DLG2: variants seen among roughly 807,000 people sequenced by gnomAD.
The protein encoded by DLG2 is disks large homolog 2.
DLG2 carries 45 observed loss-of-function variants against 132.5 expected under a neutral mutation model. The ratio of observed to expected loss-of-function variants is 0.34; its 90% CI spans 0.27 to 0.44. The LOEUF is 0.44. DLG2 is among the 20% of genes least tolerant of loss of function. The pLI is 1.00. For synonymous variants in DLG2, 424 were observed against 419.6 expected (o/e 1.01, Z -0.13); for missense variants, 1,045 against 1,196.9 (o/e 0.87, Z 1.87).
intron 6 of DLG2, among the ~76,000 whole-genome samples, chr11:84,976,415 C>T (rs1031211242): frequency 2.0e-5 from 3 of 152,028 alleles, no homozygotes. Flanking sequence ...TAACAGAGAA[C>T]CTATGTACTT....
chr11:85,189,362 A>G (rs755042119), intron 4 of DLG2, among the ~76,000 whole-genome samples: 3 of 152,236 alleles, frequency 2.0e-5, no homozygotes, highest in African/African-American at 7.2e-5. Flanking sequence ...TCAGTGGCCA[A>G]ATAGTTATAC....
chr11:84,027,774 T>C (rs1053315733), intron 11 of DLG2, among the ~76,000 whole-genome samples: 1 of 152,098 alleles, frequency 6.6e-6, no homozygotes, highest in Non-Finnish European at 1.5e-5. Flanking sequence ...TCAAGAATGA[T>C]GTTTAAAATT....
At position 83,881,424 on chromosome 11, in the gene DLG2, T is replaced by C. The variant is rs540265813; in HGVS notation, c.1497-6936A>G. On this transcript the variant is annotated intron_variant, in intron 15 of 27. Transcript: ENST00000376104. ...AGTTTGTTAAGCTAACATTCAGTTA[T>C]CAATTTAATTCAATAAGTATTTATT... 2.6e-5 allele frequency among the ~76,000 whole-genome samples: 4 copies of C among 152,348 alleles called. No individual in the cohort carries two copies. In the South Asian group the frequency reaches 8.3e-4, roughly 32 times the overall value.
chr11:84,014,646 T>A (rs1197212145), intron 11 of DLG2, among the ~76,000 whole-genome samples: 1 of 152,154 alleles, frequency 6.6e-6, no homozygotes, highest in Non-Finnish European at 1.5e-5. Flanking sequence ...CAACTTAACA[T>A]GTAATGAGTC....
chr11:84,334,997 T>C (rs1292145793), intron 7 of DLG2, among the ~76,000 whole-genome samples: 1 of 151,554 alleles, frequency 6.6e-6, no homozygotes, highest in Non-Finnish European at 1.5e-5. Context: ...CAGGAAGAAA[T>C]ACATTCCAAA....
chr11:84,135,083 C>G (rs1447613427), intron 9 of DLG2, among the ~76,000 whole-genome samples: 1 of 151,888 alleles, frequency 6.6e-6, no homozygotes, highest in Non-Finnish European at 1.5e-5. Flanking sequence ...TAATGTTTAC[C>G]CCACTAAAAT....
chr11:84,371,243 A>G (rs2154428771), intron 7 of DLG2, among the ~76,000 whole-genome samples: 1 of 150,824 alleles, frequency 6.6e-6, no homozygotes, highest in South Asian at 2.1e-4. Context: ...AAAAAAATAC[A>G]TGTAGTATAC....
At chr11:85,259,388 C>G (rs2076828972) in intron 4 of DLG2, among the ~76,000 whole-genome samples, 2 of 152,042 alleles carry the variant, frequency 1.3e-5, no homozygotes, top group African/African-American at 2.4e-5. Context: ...GAACTGTGAG[C>G]CAATTATACC....
intron 10 of DLG2, among the ~76,000 whole-genome samples, chr11:84,095,672 T>C (rs139952013): frequency 2.1e-4 from 32 of 152,328 alleles, no homozygotes; most frequent in Non-Finnish European, 3.7e-4. Context: ...AAATGATTTA[T>C]GCCTCAGGAT....
intron 6 of DLG2, among the ~76,000 whole-genome samples, chr11:85,032,924 T>C (rs77666996): frequency 6.6e-6 from 1 of 152,268 alleles, no homozygotes; most frequent in African/African-American, 2.4e-5. Flanking sequence ...TCTAATGCAT[T>C]AAAAGCATCT....
chr11:83,907,016 C>T (rs1356720988), intron 15 of DLG2, among the ~76,000 whole-genome samples: 1 of 152,090 alleles, frequency 6.6e-6, no homozygotes, highest in Admixed American at 6.6e-5. Context: ...CAGTTTCTTC[C>T]AAGGTCTGCA....
At chr11:85,472,482 T>A (rs1244337467) in intron 3 of DLG2, among the ~76,000 whole-genome samples, 3 of 152,120 alleles carry the variant, frequency 2.0e-5, no homozygotes, top group Non-Finnish European at 4.4e-5. Context: ...GTATTTTTAG[T>A]AGAGACAGGG....
At chr11:83,799,058 A>C (rs2043611586) in intron 17 of DLG2, among the ~76,000 whole-genome samples, 2 of 152,172 alleles carry the variant, frequency 1.3e-5, no homozygotes, top group African/African-American at 4.8e-5. Flanking sequence ...CTGCTTCCCC[A>C]CCTCACATTT....
chr11:83,925,337 C>T (rs180958564), intron 15 of DLG2, among the ~76,000 whole-genome samples: 1 of 152,136 alleles, frequency 6.6e-6, no homozygotes, highest in South Asian at 2.1e-4. Context: ...TAAACCTCTT[C>T]TGGTTCTGAG....
chr11:84,009,028 C>A (rs990054046), intron 11 of DLG2, among the ~76,000 whole-genome samples: 1 of 151,524 alleles, frequency 6.6e-6, no homozygotes, highest in African/African-American at 2.4e-5. Context: ...AAATACTAGA[C>A]TTTCAATAAA....
intron 7 of DLG2, among the ~76,000 whole-genome samples, chr11:84,464,725 G>C (rs888688692): frequency 6.6e-6 from 1 of 150,852 alleles, no homozygotes. Flanking sequence ...GCTTATAGTG[G>C]ACTTGAATAA....
chr11:83,495,609 G>C (rs1591827724), intron 21 of DLG2, among the ~76,000 whole-genome samples: 1 of 152,098 alleles, frequency 6.6e-6, no homozygotes, highest in Admixed American at 6.5e-5. Flanking sequence ...GGTGAGGTTA[G>C]AAATTGTCGT....
At chr11:85,429,622 G>T (rs1232267930) in intron 3 of DLG2, among the ~76,000 whole-genome samples, 1 of 152,150 alleles carries the variant, frequency 6.6e-6, no homozygotes, top group Non-Finnish European at 1.5e-5. Flanking sequence ...CGTCATCACT[G>T]GCCATCAGAG....
intron 6 of DLG2, among the ~76,000 whole-genome samples, chr11:84,914,656 T>C (rs2154079463): frequency 6.6e-6 from 1 of 152,222 alleles, no homozygotes; most frequent in Admixed American, 6.5e-5. Context: ...CCCAATGAAG[T>C]CATCAAAACC....
Sources: gnomAD v4.1 joint callset for allele counts (sites outside exome capture counted in the v4.1 genomes callset) on GRCh38, gnomAD v4.1.1 for gene constraint, MANE v1.5 for transcripts, NCBI Gene and HGNC (gene_info 2026-07-23, HGNC 2026-07-21) for gene names.